The following MARCHF3 variants were observed in gnomAD, a reference collection of about 807,000 sequenced individuals.
MARCHF3 encodes membrane associated ring-CH-type finger 3.
In MARCHF3, 13 loss-of-function variants were observed where a neutral mutation model predicts 24.2. The observed-to-expected ratio is 0.54, with a 90% CI of 0.35 to 0.85. The LOEUF (loss-of-function observed/expected upper bound fraction) is 0.85, where lower values mean the gene tolerates loss of function less well. Ranked by LOEUF, MARCHF3 falls within the 40% of genes least tolerant of loss-of-function variation. The pLI is 0.01. For missense variants in MARCHF3, 276 were observed against 325.0 expected (o/e 0.85, Z 1.16); for synonymous variants, 144 against 137.3 (o/e 1.05, Z -0.34).
chr5:126,963,390 C>T (rs1200384041), intron 1 of MARCHF3, among the ~76,000 whole-genome samples: 1 of 151,812 alleles, frequency 6.6e-6, no homozygotes, highest in Non-Finnish European at 1.5e-5. Flanking sequence ...AATGGTAATA[C>T]CCATTTAAAC....
intron 1 of MARCHF3, among the ~76,000 whole-genome samples, chr5:126,962,473 C>T (rs1474016875): frequency 6.6e-6 from 1 of 150,498 alleles, no homozygotes; most frequent in East Asian, 2.0e-4. Flanking sequence ...GGTTGAGCAT[C>T]CCAATCTGAA....
At chr5:126,939,251 GTT>G (rs1561437493) in intron 1 of MARCHF3, among the ~76,000 whole-genome samples, 5 of 152,130 alleles carry the variant, frequency 3.3e-5, no homozygotes, top group African/African-American at 4.8e-5. Flanking sequence ...ATATGAAAAG[GTT>G]AGGCTCAACA....
At chr5:126,993,019 G>T (rs1751824799) in intron 1 of MARCHF3, among the ~76,000 whole-genome samples, 1 of 152,014 alleles carries the variant, frequency 6.6e-6, no homozygotes, top group Non-Finnish European at 1.5e-5. Context: ...TGATCCGTCC[G>T]CCTCGGCCTC....
intron 1 of MARCHF3, among the ~76,000 whole-genome samples, chr5:126,960,925 C>A (rs1005375130): frequency 1.3e-5 from 2 of 151,944 alleles, no homozygotes; most frequent in African/African-American, 2.4e-5. Flanking sequence ...AATGATCAGA[C>A]AATAAATATT....
At chr5:126,872,029 A>T (rs1056742749) in intron 4 of MARCHF3, among the ~76,000 whole-genome samples, 1 of 147,204 alleles carries the variant, frequency 6.8e-6, no homozygotes, top group Non-Finnish European at 1.5e-5. Context: ...CATATAATAC[A>T]TGATGGTAGA....
At chr5:126,909,715 A>T (rs1754449477) in intron 3 of MARCHF3, among the ~76,000 whole-genome samples, 1 of 151,866 alleles carries the variant, frequency 6.6e-6, no homozygotes, top group Non-Finnish European at 1.5e-5. Flanking sequence ...ACTGTCTGGC[A>T]CTCCCTAGTG....
intron 2 of MARCHF3, among the ~76,000 whole-genome samples, chr5:126,917,137 G>C (rs1351709673): frequency 1.3e-5 from 2 of 152,144 alleles, no homozygotes; most frequent in African/African-American, 2.4e-5. Flanking sequence ...CTATGTTAGA[G>C]GTCAGAAGTG....
At chr5:127,014,206 A>G (rs1357472018) in intron 1 of MARCHF3, among the ~76,000 whole-genome samples, 1 of 152,162 alleles carries the variant, frequency 6.6e-6, no homozygotes, top group African/African-American at 2.4e-5. Flanking sequence ...ATAGCAAAAA[A>G]TCAAATAATC....
chr5:126,931,276 G>C (rs1422451828), intron 1 of MARCHF3, among the ~76,000 whole-genome samples: 2 of 152,118 alleles, frequency 1.3e-5, no homozygotes, highest in African/African-American at 4.8e-5. Flanking sequence ...AGAATGCATT[G>C]AGAGCTGCTG....
rs542543651 is a variant in MARCHF3 at position 126,939,690 on chromosome 5, A to T, written c.-56-21463T>A. Among the ~76,000 whole-genome samples, 109 of 152,342 alleles carry T rather than the reference A, an allele frequency of 7.2e-4. 1 individual carries two copies. Among genetic ancestry groups the T allele is most frequent in the African/African-American group, 2.5e-3 (104 of 41,580 alleles). On this transcript the variant is annotated intron_variant, in intron 1 of 4. Coordinates refer to ENST00000308660, the MANE Select transcript of MARCHF3 (RefSeq NM_178450.5). The stretch of plus-strand genomic sequence containing the variant: ...TCAGTTCTTGTTATTTACAGTAGTT[A>T]TGTTCTATACATTGCTGATTACTGA...
chr5:127,003,950 G>A (rs1330187014), intron 1 of MARCHF3, among the ~76,000 whole-genome samples: 2 of 152,142 alleles, frequency 1.3e-5, no homozygotes, highest in Non-Finnish European at 2.9e-5. Flanking sequence ...GGCCCTGTTT[G>A]TTTTGGCCCC....
At chr5:127,019,065 C>G (rs1307898202) in intron 1 of MARCHF3, among the ~76,000 whole-genome samples, 2 of 152,076 alleles carry the variant, frequency 1.3e-5, no homozygotes, top group African/African-American at 2.4e-5. Flanking sequence ...TTATTTTAAT[C>G]TTTTTCATTC....
At chr5:127,011,901 C>G (rs891655207) in intron 1 of MARCHF3, among the ~76,000 whole-genome samples, 1 of 152,164 alleles carries the variant, frequency 6.6e-6, no homozygotes, top group Non-Finnish European at 1.5e-5. Flanking sequence ...AATTCTTTTG[C>G]CTAACTGGGA....
chr5:126,931,527 T>C (rs886777463), intron 1 of MARCHF3, among the ~76,000 whole-genome samples: 1 of 151,802 alleles, frequency 6.6e-6, no homozygotes, highest in Non-Finnish European at 1.5e-5. Flanking sequence ...CCTGACTTCT[T>C]GGCTAGTGTA....
At chr5:126,913,981 T>A (rs924206908) in intron 3 of MARCHF3, among the ~76,000 whole-genome samples, 1 of 141,150 alleles carries the variant, frequency 7.1e-6, no homozygotes, top group Non-Finnish European at 1.5e-5. Flanking sequence ...TCCAACTTTT[T>A]TTTTTTTTTT....
chr5:126,907,617 G>A (rs1359612643), intron 3 of MARCHF3, among the ~76,000 whole-genome samples: 2,380 of 149,670 alleles, frequency 0.016, 45 homozygotes, highest in African/African-American at 0.052. Flanking sequence ...TTTAAAGTCC[G>A]TTTTATCAGA....
At chr5:126,919,985 T>A (rs1189249459) in intron 1 of MARCHF3, among the ~76,000 whole-genome samples, 2 of 152,134 alleles carry the variant, frequency 1.3e-5, no homozygotes, top group African/African-American at 4.8e-5. Flanking sequence ...TTCAGCACAG[T>A]CAGTTAGTTG....
chr5:126,940,569 T>C (rs113663981), intron 1 of MARCHF3, among the ~76,000 whole-genome samples: 1 of 152,068 alleles, frequency 6.6e-6, no homozygotes, highest in Non-Finnish European at 1.5e-5. Flanking sequence ...TGCCTCAGCC[T>C]CCCAAGTTGC....
chr5:127,023,676 A>G (rs981811363), intron 1 of MARCHF3, among the ~76,000 whole-genome samples: 1 of 151,960 alleles, frequency 6.6e-6, no homozygotes, highest in Non-Finnish European at 1.5e-5. Context: ...GGTTGCAGTG[A>G]GCTGAGATTG....
Sources: allele counts gnomAD v4.1 joint callset (sites outside exome capture counted in the v4.1 genomes callset), GRCh38; gene constraint gnomAD v4.1.1; transcripts MANE v1.5; gene names NCBI Gene and HGNC (gene_info 2026-07-23, HGNC 2026-07-21).